RNGTT: variants seen among roughly 807,000 people sequenced by gnomAD.
The protein encoded by RNGTT is RNA guanylyltransferase and 5'-phosphatase.
Under a neutral mutation model 79.3 loss-of-function variants are expected in RNGTT, and 33 were observed. That is an observed-to-expected ratio of 0.42 (90% CI 0.32 to 0.56). The LOEUF (loss-of-function observed/expected upper bound fraction) is 0.56, where lower values mean the gene tolerates loss of function less well. RNGTT is among the 20% of genes least tolerant of loss of function. The probability of loss-of-function intolerance (pLI) is 0.17; values close to 1 mark genes in which losing one functional copy is unlikely to be tolerated. For synonymous variants in RNGTT, 222 were observed against 235.9 expected (o/e 0.94, Z 0.54); for missense variants, 497 against 739.1 (o/e 0.67, Z 3.80).
intron 6 of RNGTT, among the ~76,000 whole-genome samples, chr6:88,901,572 T>A (rs1160538168): frequency 1.4e-5 from 2 of 140,866 alleles, no homozygotes; most frequent in Non-Finnish European, 3.0e-5. Context: ...AGTGGCGCGA[T>A]CTCAGCTCAC....
intron 8 of RNGTT, among the ~76,000 whole-genome samples, chr6:88,856,574 A>G (rs1244310149): frequency 6.6e-6 from 1 of 152,228 alleles, no homozygotes; most frequent in Non-Finnish European, 1.5e-5. Flanking sequence ...TTACAAAAGG[A>G]TAGCTTCTGC....
At chr6:88,933,725 A>G (rs528162384) in intron 2 of RNGTT, among the ~76,000 whole-genome samples, 3 of 152,210 alleles carry the variant, frequency 2.0e-5, no homozygotes, top group Admixed American at 2.0e-4. Context: ...AGTTCCACCC[A>G]TGTGCTGCAA....
chr6:88,684,863 C>T (rs543165506), intron 13 of RNGTT, among the ~76,000 whole-genome samples: 1 of 152,128 alleles, frequency 6.6e-6, no homozygotes, highest in South Asian at 2.1e-4. Context: ...GGGGGAGGGC[C>T]ATGCATGTGT....
chr6:88,899,312 A>C (rs769073974), intron 6 of RNGTT, among the ~76,000 whole-genome samples: 20 of 151,814 alleles, frequency 1.3e-4, no homozygotes, highest in Non-Finnish European at 2.9e-4. Context: ...ACCTAGGTTG[A>C]AGTGCAGGTG....
intron 13 of RNGTT, among the ~76,000 whole-genome samples, chr6:88,766,476 C>T (rs944754345): frequency 6.6e-6 from 1 of 151,948 alleles, no homozygotes; most frequent in Non-Finnish European, 1.5e-5. Flanking sequence ...GTGTATAAAA[C>T]TCAACACAAT....
intron 8 of RNGTT, among the ~76,000 whole-genome samples, chr6:88,872,627 G>C (rs907951135): frequency 6.6e-6 from 1 of 152,084 alleles, no homozygotes; most frequent in African/African-American, 2.4e-5. Flanking sequence ...GAAACGATGA[G>C]ACAGTAAATA....
intron 11 of RNGTT, among the ~76,000 whole-genome samples, chr6:88,833,683 G>C (rs936933034): frequency 3.9e-5 from 6 of 152,284 alleles, no homozygotes; most frequent in Non-Finnish European, 8.8e-5. Context: ...ACAATTAATT[G>C]ATCAGATTTA....
chr6:88,706,625 A>C (rs541131585), intron 13 of RNGTT, among the ~76,000 whole-genome samples: 1 of 152,274 alleles, frequency 6.6e-6, no homozygotes, highest in East Asian at 1.9e-4. Context: ...GTAATACCTG[A>C]AAATGGCATG....
At chr6:88,944,633 C>T (rs1402215477) in intron 1 of RNGTT, among the ~76,000 whole-genome samples, 1 of 152,014 alleles carries the variant, frequency 6.6e-6, no homozygotes, top group Non-Finnish European at 1.5e-5. Flanking sequence ...TAAACTCTCC[C>T]TTATCCCCCA....
chr6:88,657,092 A>G lies in RNGTT; in HGVS notation c.1506+21261T>C, dbSNP rs114481460. Among the ~76,000 whole-genome samples, 343 of 152,266 alleles carry G rather than the reference A, an allele frequency of 2.3e-3. 1 individual carries two copies. Among genetic ancestry groups the G allele is most frequent in the African/African-American group, 7.8e-3 (325 of 41,536 alleles). ...GACTCACACTGTGAACTCTTGCTTC[A>G]AGAACCACCAAAGAAACATACCAGG... On this transcript the variant is annotated intron_variant, in intron 14 of 15. Coordinates refer to ENST00000369485, the MANE Select transcript of RNGTT (RefSeq NM_003800.5).
chr6:88,895,350 A>C (rs375963791), intron 6 of RNGTT, among the ~76,000 whole-genome samples: 3 of 152,034 alleles, frequency 2.0e-5, no homozygotes, highest in African/African-American at 7.2e-5. Flanking sequence ...GTTGTATTCA[A>C]AGAAATGATC....
In RNGTT at chr6:88,612,730, G is replaced by A; in HGVS notation, c.1783C>T (p.Pro595Ser). Residue 595 changes from proline to serine, a missense_variant, in exon 16 of 16, where the codon CCT becomes TCT. Physicochemically the swap from Pro to Ser is moderately conservative, Grantham distance 74. Transcript: ENST00000369485. ...GTCACAGGCAGGTCTTAGGTTAAAG[G>A]GCGTGGTCTTTTGGGAGGTGGTGGT... The part of the protein sequence containing the change: ...MPPPPPKRPR[P>S]LT 1 of 1,612,296 alleles carries A rather than the reference G, an allele frequency of 6.2e-7. No homozygotes were observed. The highest frequency in any genetic ancestry group is 1.1e-5 in the South Asian group (1 of 90,976).
chr6:88,850,847 C>A (rs1376132560), intron 9 of RNGTT, among the ~76,000 whole-genome samples: 1 of 151,902 alleles, frequency 6.6e-6, no homozygotes, highest in African/African-American at 2.4e-5. Context: ...GATTAGCAAT[C>A]ACAATCAAAG....
intron 13 of RNGTT, among the ~76,000 whole-genome samples, chr6:88,768,789 G>T (rs1471084983): frequency 6.6e-6 from 1 of 152,190 alleles, no homozygotes; most frequent in East Asian, 1.9e-4. Context: ...ATAAAAACAA[G>T]GCTTTGGAAA....
intron 13 of RNGTT, among the ~76,000 whole-genome samples, chr6:88,750,415 G>GT (rs1265235875): frequency 2.0e-5 from 3 of 152,118 alleles, no homozygotes; most frequent in Admixed American, 6.5e-5. Flanking sequence ...GATTTAAGCA[G>GT]TATCTAGGAA....
intron 11 of RNGTT, among the ~76,000 whole-genome samples, chr6:88,823,120 A>G (rs990801671): frequency 1.3e-5 from 2 of 152,214 alleles, no homozygotes; most frequent in African/African-American, 4.8e-5. Context: ...AACTTCTGCT[A>G]TCAAAGGCCT....
intron 1 of RNGTT, among the ~76,000 whole-genome samples, chr6:88,944,226 A>C (rs1784937571): frequency 6.6e-6 from 1 of 152,250 alleles, no homozygotes; most frequent in Admixed American, 6.5e-5. Flanking sequence ...TACTCCTAAC[A>C]ATAAGTATTG....
chr6:88,849,665 A>G, intron 10 of RNGTT, 90 bp downstream of exon 10: 1 of 1,188,838 alleles, frequency 8.4e-7, no homozygotes, highest in Non-Finnish European at 1.1e-6. Flanking sequence ...TTTCTTTCCT[A>G]CTATCTCTAA....
At chr6:88,931,829 C>T (rs1184467673) in intron 2 of RNGTT, among the ~76,000 whole-genome samples, 1 of 152,190 alleles carries the variant, frequency 6.6e-6, no homozygotes, top group Non-Finnish European at 1.5e-5. Flanking sequence ...ACTTTAATCT[C>T]TTAATCCCAT....
Sources: allele counts gnomAD v4.1 joint callset (sites outside exome capture counted in the v4.1 genomes callset), GRCh38; gene constraint gnomAD v4.1.1; transcripts MANE v1.5; gene names NCBI Gene and HGNC (gene_info 2026-07-23, HGNC 2026-07-21).